Variants in IMPG1 observed in about 807,000 individuals in gnomAD.
The protein encoded by IMPG1 is interphotoreceptor matrix proteoglycan 1.
In IMPG1, 85 loss-of-function variants were observed where a neutral mutation model predicts 92.0. The ratio of observed to expected loss-of-function variants is 0.92; its 90% confidence interval spans 0.78 to 1.11. The LOEUF (loss-of-function observed/expected upper bound fraction) is 1.11. Among genes scored for constraint, IMPG1 ranks in the 50% least tolerant of loss-of-function variants. The pLI is 0.00. For missense variants in IMPG1, 1,022 were observed against 956.0 expected (o/e 1.07, Z -0.91); for synonymous variants, 367 against 334.1 (o/e 1.10, Z -1.08).
At chr6:75,993,470 G>C (rs1362862357) in intron 12 of IMPG1, among the ~76,000 whole-genome samples, 1 of 151,918 alleles carries the variant, frequency 6.6e-6, no homozygotes, top group African/African-American at 2.4e-5. Flanking sequence ...AAAGGAGAGA[G>C]AGAAAGAGAG....
intron 4 of IMPG1, among the ~76,000 whole-genome samples, chr6:76,032,423 G>A (rs1470537093): frequency 2.0e-5 from 3 of 152,148 alleles, no homozygotes; most frequent in Non-Finnish European, 2.9e-5. Flanking sequence ...ATTTTCCTTA[G>A]TCACATTATT....
chr6:76,018,704 C>T lies in IMPG1; in HGVS notation c.807+14G>A, dbSNP rs1392133471. ...ACAGCTTGAGGTGTGGTTGTATGGG[C>T]CGGGTCTACTCACCTGAAGTTGGGA... On this transcript the variant is annotated intron_variant, in intron 7 of 16. Coordinates refer to ENST00000369950, the MANE Select transcript of IMPG1 (RefSeq NM_001563.4). The T allele has an allele frequency of 1.9e-6, 3 of 1,611,030 alleles. No individual in the cohort carries two copies. The highest frequency in any genetic ancestry group is 1.1e-5 in the South Asian group (1 of 90,524).
intron 7 of IMPG1, among the ~76,000 whole-genome samples, chr6:76,012,372 A>G (rs1329534633): frequency 6.6e-6 from 1 of 152,002 alleles, no homozygotes; most frequent in African/African-American, 2.4e-5. Context: ...CACTCTCTCC[A>G]TCTTCATTGC....
chr6:75,938,282 A>G (rs1270034183), intron 14 of IMPG1, among the ~76,000 whole-genome samples: 6 of 152,190 alleles, frequency 3.9e-5, no homozygotes, highest in Non-Finnish European at 8.8e-5. Context: ...GTGGAATGAT[A>G]TTAACTAAAA....
intron 12 of IMPG1, among the ~76,000 whole-genome samples, chr6:75,985,044 G>T (rs1287801031): frequency 6.6e-6 from 1 of 152,096 alleles, no homozygotes; most frequent in African/African-American, 2.4e-5. Context: ...TTATAGTAAT[G>T]CAAGAACAGC....
At chr6:75,990,802 T>C (rs1311643089) in intron 12 of IMPG1, among the ~76,000 whole-genome samples, 1 of 152,192 alleles carries the variant, frequency 6.6e-6, no homozygotes, top group Non-Finnish European at 1.5e-5. Context: ...ACAAATGCTG[T>C]TTCACTTTCT....
At chr6:76,018,959 T>C (rs1223199738) in intron 6 of IMPG1, 101 bp from the exon 7 acceptor site, 1 of 1,110,374 alleles carries the variant, frequency 9.0e-7, no homozygotes, top group African/African-American at 1.6e-5. Context: ...AAGTGGATTA[T>C]GAAGGCTTAA....
chr6:75,923,140 G>C (rs557411440), intron 16 of IMPG1, among the ~76,000 whole-genome samples: 1 of 152,042 alleles, frequency 6.6e-6, no homozygotes, highest in South Asian at 2.1e-4. Context: ...AGTTGATTAA[G>C]TGAATATTTT....
At chr6:75,928,486 C>T (rs1781600704) in intron 15 of IMPG1, 1 of 152,134 alleles carries the variant, frequency 6.6e-6, no homozygotes, top group Non-Finnish European at 1.5e-5. Flanking sequence ...ACTCCCAGCC[C>T]AACCCTTCTT....
chr6:75,966,862 G>A (rs1782315566), intron 12 of IMPG1, among the ~76,000 whole-genome samples: 2 of 152,090 alleles, frequency 1.3e-5, no homozygotes, highest in Admixed American at 1.3e-4. Flanking sequence ...CCTATGACAG[G>A]AGAAAAATTT....
chr6:76,005,580 A>G (rs372125949), intron 9 of IMPG1, 46 bp from the exon 10 acceptor site: 2 of 1,591,198 alleles, frequency 1.3e-6, no homozygotes, highest in Non-Finnish European at 8.6e-7. Flanking sequence ...CCATTGTTAC[A>G]TGCCTTGCAA....
intron 12 of IMPG1, among the ~76,000 whole-genome samples, chr6:75,970,379 G>C (rs145468032): frequency 6.6e-6 from 1 of 151,518 alleles, no homozygotes; most frequent in African/African-American, 2.4e-5. Context: ...AGCACTAAAG[G>C]CCATTTTTCC....
intron 1 of IMPG1, among the ~76,000 whole-genome samples, chr6:76,071,945 T>G (rs1200145003): frequency 1.3e-5 from 2 of 152,118 alleles, no homozygotes; most frequent in Non-Finnish European, 2.9e-5. Context: ...TCATGAACCC[T>G]GAAGATGAAG....
At chr6:76,059,688 C>T (rs1784173270) in intron 1 of IMPG1, among the ~76,000 whole-genome samples, 1 of 152,166 alleles carries the variant, frequency 6.6e-6, no homozygotes, top group Non-Finnish European at 1.5e-5. Flanking sequence ...AACTTTGGTT[C>T]TAACCCTCTC....
intron 14 of IMPG1, among the ~76,000 whole-genome samples, chr6:75,942,234 C>T (rs976132513): frequency 2.0e-5 from 3 of 152,168 alleles, no homozygotes; most frequent in Admixed American, 2.0e-4. Flanking sequence ...TTTCCAGCAG[C>T]TGCCTTTTTT....
At position 75,954,772 on chromosome 6, in the gene IMPG1, T is replaced by C. The variant is rs1357261185; in HGVS notation, c.1292-3678A>G. On this transcript the variant is annotated intron_variant, in intron 12 of 16. Coordinates refer to ENST00000369950, the MANE Select transcript of IMPG1 (RefSeq NM_001563.4). ...TTCTTACATTTAAGTCTTTAATCCA[T>C]CGTGAGTTAATTTTTGTATAAGGTA... is the stretch of plus-strand genomic sequence containing the variant. 7.9e-5 allele frequency among the ~76,000 whole-genome samples: 12 copies of C among 152,204 alleles called. 1 individual carries two copies. The highest frequency in any genetic ancestry group is 2.0e-4 in the Admixed American group (3 of 15,280).
chr6:76,071,757 C>T (rs1273923203), intron 1 of IMPG1, among the ~76,000 whole-genome samples: 1 of 152,028 alleles, frequency 6.6e-6, no homozygotes, highest in Non-Finnish European at 1.5e-5. Flanking sequence ...ATAAAAAAGT[C>T]AAACTTTCTC....
At chr6:75,984,822 T>A (rs1782687619) in intron 12 of IMPG1, among the ~76,000 whole-genome samples, 1 of 152,048 alleles carries the variant, frequency 6.6e-6, no homozygotes, top group African/African-American at 2.4e-5. Flanking sequence ...GAGATCTAGT[T>A]GTTTAAAAGA....
intron 15 of IMPG1, among the ~76,000 whole-genome samples, chr6:75,926,867 G>T (rs1365364892): frequency 2.0e-5 from 3 of 152,146 alleles, no homozygotes; most frequent in Non-Finnish European, 4.4e-5. Context: ...AAAAATAAAG[G>T]TGAAAATGTA....
Sources: gnomAD v4.1 joint callset for allele counts (sites outside exome capture counted in the v4.1 genomes callset) on GRCh38, gnomAD v4.1.1 for gene constraint, MANE v1.5 for transcripts, NCBI Gene and HGNC (gene_info 2026-07-23, HGNC 2026-07-21) for gene names.